Variants in IP6K3 observed in about 807,000 individuals in gnomAD.
IP6K3 encodes inositol hexakisphosphate kinase 3, also known as ATP:1D-myo-inositol-hexakisphosphate phosphotransferase.
In IP6K3, 20 loss-of-function variants were observed where a neutral mutation model predicts 28.8. The observed-to-expected ratio is 0.70, with a 90% CI of 0.49 to 1.01. The LOEUF (loss-of-function observed/expected upper bound fraction) is 1.01, where lower values mean the gene tolerates loss of function less well. Ranked by LOEUF, IP6K3 falls within the 50% of genes least tolerant of loss-of-function variation. IP6K3 has a pLI of 0.00. For synonymous variants in IP6K3, 213 were observed against 221.3 expected (o/e 0.96, Z 0.33); for missense variants, 480 against 537.1 (o/e 0.89, Z 1.05).
Position 33,728,134 on chromosome 6 carries a change from G to T in IP6K3, c.366C>A (p.Thr122=), listed in dbSNP as rs1280132901. 1.9e-6 allele frequency: 3 copies of T among 1,609,876 alleles called. No individual in the cohort carries two copies. The highest frequency in any genetic ancestry group is 2.5e-6 in the Non-Finnish European group (3 of 1,179,978). The part of the protein sequence containing the change: ...QTTGSNGSDC[T]LAQWPHAQLA... ...GCTGGGCATGCGGCCACTGGGCAAG[G>T]GTGCAGTCGCTGCCATTGCTGCCGG... The change falls in exon 3 of 6, where the codon ACC becomes ACA. Residue 122 remains threonine, a synonymous_variant. Transcript: ENST00000293756.
upstream of IP6K3, among the ~76,000 whole-genome samples, chr6:33,748,405 C>T (rs954362937): frequency 2.4e-4 from 37 of 152,106 alleles, 1 homozygote; most frequent in Non-Finnish European, 2.1e-4. Context: ...ATTGTCCATT[C>T]AGTGCCCTCT....
chr6:33,724,096 T>C (rs1202350020), intron 5 of IP6K3, among the ~76,000 whole-genome samples: 1 of 152,218 alleles, frequency 6.6e-6, no homozygotes, highest in East Asian at 1.9e-4. Flanking sequence ...TTACATGATA[T>C]GTTCATAGAA....
chr6:33,729,217 C>T (rs1405038551), intron 2 of IP6K3, among the ~76,000 whole-genome samples: 3 of 152,236 alleles, frequency 2.0e-5, no homozygotes, highest in Non-Finnish European at 4.4e-5. Flanking sequence ...GGTGGCAGAA[C>T]CCAGGCCTTC....
At position 33,742,872 on chromosome 6, in the gene IP6K3, CAGG is replaced by C. The variant is rs2127365232; in HGVS notation, c.-180+3883_-180+3885del. 1.3e-5 allele frequency among the ~76,000 whole-genome samples: 2 copies of C among 151,984 alleles called. No individual in the cohort carries two copies. Among genetic ancestry groups the C allele is most frequent in the East Asian group, 3.9e-4 (2 of 5,156 alleles). On this transcript the variant is annotated intron_variant, in intron 1 of 5. Coordinates refer to ENST00000293756, the MANE Select transcript of IP6K3 (RefSeq NM_054111.5). The surrounding 1 kb of genome is among the most constrained non-coding windows in gnomAD (Gnocchi z 4.5). Reference sequence around the variant, plus strand: ...GGTTTGAGGGGTCTGGGAAGGAGTCCAGGAGGAGGGGAGATGTTGGCTCAGCCT... The same window carrying C: ...GGTTTGAGGGGTCTGGGAAGGAGTCCAGGAGGGGAGATGTTGGCTCAGCCT...
the IP6K3 span, among the ~76,000 whole-genome samples, chr6:33,757,348 G>A: frequency 6.6e-6 from 1 of 152,230 alleles, no homozygotes; most frequent in Non-Finnish European, 1.5e-5. Flanking sequence ...TTGTGCAGCT[G>A]ATGTTCTTGC....
intron 1 of IP6K3, among the ~76,000 whole-genome samples, chr6:33,736,185 T>C (rs1353455734): frequency 6.6e-6 from 1 of 152,124 alleles, no homozygotes; most frequent in African/African-American, 2.4e-5. Flanking sequence ...AATAATGTTT[T>C]GTACTTTTTG....
In IP6K3 at chr6:33,746,406, C is replaced by A. The variant is rs566655467; in HGVS notation, c.-180+352G>T. Among the ~76,000 whole-genome samples, 1 of 152,188 alleles carries A rather than the reference C, an allele frequency of 6.6e-6. No homozygotes were observed. The highest frequency in any genetic ancestry group is 1.5e-5 in the Non-Finnish European group (1 of 68,022). ...AGCCCCCGGTACTTGCCCCTCCCCC[C>A]AGCTTCCTCTGTAGTCCCAGTCCAC... On this transcript the variant is annotated intron_variant, in intron 1 of 5. Transcript: ENST00000293756. The surrounding 1 kb of genome is among the most constrained non-coding windows in gnomAD (Gnocchi z 6.5).
At position 33,726,846 on chromosome 6, in the gene IP6K3, C is replaced by T. The variant is rs1303108059; in HGVS notation, c.474G>A (p.Val158=). 2 of 1,613,412 alleles carry T rather than the reference C, an allele frequency of 1.2e-6. No homozygotes were observed. The highest frequency in any genetic ancestry group is 2.7e-5 in the African/African-American group (2 of 74,920). Residue 158 remains valine, a synonymous_variant, in exon 4 of 6, where the codon GTG becomes GTA. Transcript: ENST00000293756. ...CAACCTGGTTTCCGTTGGTGTCTTCCACCAGCGAGAAGGCTGGAGTGTTGA... is the reference window on the plus strand; with the variant it reads ...CAACCTGGTTTCCGTTGGTGTCTTCTACCAGCGAGAAGGCTGGAGTGTTGA... The part of the protein sequence containing the change: ...PHLNTPAFSL[V]EDTNGNQVER...
intron 1 of IP6K3, among the ~76,000 whole-genome samples, chr6:33,741,575 G>A (rs1324137611): frequency 2.0e-5 from 3 of 150,286 alleles, no homozygotes; most frequent in Non-Finnish European, 3.0e-5. Flanking sequence ...GAATCTAGGA[G>A]GTGGAGGTTG....
chr6:33,730,212 C>T (rs186708174), intron 2 of IP6K3, among the ~76,000 whole-genome samples: 23 of 152,336 alleles, frequency 1.5e-4, no homozygotes, highest in Admixed American at 3.3e-4. Flanking sequence ...GCTCATCTCT[C>T]GGCTTGCATG....
chr6:33,759,565 A>C, the IP6K3 span, among the ~76,000 whole-genome samples: 1 of 152,312 alleles, frequency 6.6e-6, no homozygotes, highest in Non-Finnish European at 1.5e-5. Context: ...TCTTTTTAAA[A>C]AAAGAAGGGA....
At chr6:33,738,960 A>G (rs1766625542) in intron 1 of IP6K3, among the ~76,000 whole-genome samples, 1 of 152,220 alleles carries the variant, frequency 6.6e-6, no homozygotes, top group Admixed American at 6.5e-5. Context: ...AACCACCACA[A>G]GGGATCAGGC....
rs781353745 is a variant in IP6K3 at position 33,735,628 on chromosome 6, C to T, written c.-152G>A. On this transcript the variant is annotated 5_prime_UTR_variant, in exon 2 of 6. Transcript: ENST00000293756. ...ATTGCTGTCATAGCGCAGTTGTCCTCCTGTCTGTGGGTTCTCAGCGGGGTC... is the reference window on the plus strand; with the variant it reads ...ATTGCTGTCATAGCGCAGTTGTCCTTCTGTCTGTGGGTTCTCAGCGGGGTC... 150 of 1,450,342 alleles carry T rather than the reference C, an allele frequency of 1.0e-4. No individual in the cohort carries two copies. Among genetic ancestry groups the T allele is most frequent in the Admixed American group, 3.0e-4 (12 of 39,530 alleles). The allele number at this position is 1,450,342 out of a possible 1,614,324, so 89.8% of individuals were successfully genotyped here.
the IP6K3 span, among the ~76,000 whole-genome samples, chr6:33,753,982 G>A: frequency 6.6e-6 from 1 of 151,976 alleles, no homozygotes; most frequent in Non-Finnish European, 1.5e-5. Flanking sequence ...CTAATTTTTT[G>A]TATTTTTTAG....
the IP6K3 span, among the ~76,000 whole-genome samples, chr6:33,755,254 A>G: frequency 6.6e-6 from 1 of 152,260 alleles, no homozygotes. Flanking sequence ...GGAGGAGGCC[A>G]CTTGCAGGCC....
At chr6:33,729,853 ACAGGTGCCC>A (rs952563674) in intron 2 of IP6K3, among the ~76,000 whole-genome samples, 2 of 151,764 alleles carry the variant, frequency 1.3e-5, no homozygotes, top group Non-Finnish European at 2.9e-5. Context: ...AGCTTGGATT[ACAGGTGCCC>A]GCCACTGCAC....
upstream of IP6K3, among the ~76,000 whole-genome samples, chr6:33,749,552 GTGGGGCAGATGGCCCCA>G (rs1766991812): frequency 6.7e-6 from 1 of 149,616 alleles, no homozygotes; most frequent in Admixed American, 6.6e-5. Flanking sequence ...TTCCTAGTCA[GTGGGGCAGATGGCCCCA>G]CTGACTAGGA....
At chr6:33,730,756 G>A (rs1766292854) in intron 2 of IP6K3, among the ~76,000 whole-genome samples, 1 of 152,276 alleles carries the variant, frequency 6.6e-6, no homozygotes, top group East Asian at 1.9e-4. Flanking sequence ...TCACATGGTC[G>A]GTGTGGGGTG....
intron 4 of IP6K3, 116 bp from the exon 5 acceptor site, chr6:33,725,732 A>T: frequency 1.2e-6 from 1 of 816,134 alleles, no homozygotes; most frequent in Non-Finnish European, 1.9e-6. Context: ...ACCATTCTTC[A>T]CTCCCATTGC....
Sources: allele counts gnomAD v4.1 joint callset (sites outside exome capture counted in the v4.1 genomes callset), GRCh38; gene constraint gnomAD v4.1.1; non-coding constraint Gnocchi (gnomAD v3.1); transcripts MANE v1.5; gene names NCBI Gene and HGNC (gene_info 2026-07-23, HGNC 2026-07-21).